ZRANB3: variants seen among roughly 807,000 people sequenced by gnomAD.
ZRANB3 encodes the protein zinc finger RANBP2-type containing 3.
In ZRANB3, 125 loss-of-function variants were observed where a neutral mutation model predicts 133.8. The ratio of observed to expected loss-of-function variants is 0.93; its 90% CI spans 0.81 to 1.08. The LOEUF (loss-of-function observed/expected upper bound fraction) is 1.08, where lower values mean the gene tolerates loss of function less well. Ranked by LOEUF, ZRANB3 falls within the 50% of genes least tolerant of loss-of-function variation. ZRANB3 has a pLI of 0.00. For missense variants in ZRANB3, 1,229 were observed against 1,275.5 expected, an observed-to-expected ratio of 0.96 and a Z score of 0.56; for synonymous variants, 387 against 432.7, an observed-to-expected ratio of 0.89 and a Z score of 1.31.
chr2:135,347,324 G>T (rs1387125781), intron 5 of ZRANB3, among the ~76,000 whole-genome samples: 1 of 139,162 alleles, frequency 7.2e-6, no homozygotes, highest in African/African-American at 2.8e-5. Flanking sequence ...ACGGAGTCTC[G>T]CTCTGTCGCC....
chr2:135,399,076 G>A (rs1356864337), intron 2 of ZRANB3, among the ~76,000 whole-genome samples: 1 of 152,134 alleles, frequency 6.6e-6, no homozygotes, highest in Non-Finnish European at 1.5e-5. Flanking sequence ...TTCTGGAGAA[G>A]ATATGGGTTT....
intron 2 of ZRANB3, among the ~76,000 whole-genome samples, chr2:135,460,894 T>A (rs535213205): frequency 6.6e-6 from 1 of 152,274 alleles, no homozygotes; most frequent in East Asian, 1.9e-4. Flanking sequence ...CTGTTCAATA[T>A]GGTAGCCACT....
At chr2:135,491,675 A>G (rs60746714) in intron 2 of ZRANB3, among the ~76,000 whole-genome samples, 40,320 of 151,934 alleles carry the variant, frequency 0.27, 8,905 homozygotes, top group African/African-American at 0.6. Flanking sequence ...CACCAGGCCC[A>G]GCTAATTTTT....
intron 1 of ZRANB3, among the ~76,000 whole-genome samples, chr2:135,516,015 C>A (rs552910615): frequency 2.0e-5 from 3 of 152,234 alleles, no homozygotes; most frequent in African/African-American, 7.2e-5. Flanking sequence ...TTGTACTGAT[C>A]CCTTTGCCAT....
At chr2:135,238,871 C>T (rs1040102763) in intron 12 of ZRANB3, 1 of 152,182 alleles carries the variant, frequency 6.6e-6, no homozygotes, top group Admixed American at 6.6e-5. Context: ...CAGACAGCAC[C>T]AATTGCCAGA....
At chr2:135,274,648 G>T (rs1192584910) in intron 9 of ZRANB3, among the ~76,000 whole-genome samples, 1 of 149,712 alleles carries the variant, frequency 6.7e-6, no homozygotes, top group East Asian at 2.0e-4. Flanking sequence ...AGTATTTATT[G>T]ATCATTCTTG....
chr2:135,471,647 G>A (rs963989578), intron 2 of ZRANB3, among the ~76,000 whole-genome samples: 3 of 152,148 alleles, frequency 2.0e-5, no homozygotes, highest in Non-Finnish European at 4.4e-5. Flanking sequence ...TATATTTACT[G>A]GGGAATTATT....
chr2:135,219,151 T>A lies in ZRANB3; in HGVS notation c.2278A>T (p.Ile760Phe). ...AGGTCTAATTTTATATCCAGAGGAA[T>A]GAAATTACAGCTCATCTGTTTTCCA... ...KDGKQMSCNF[I>F]PLDIKLDLWE... The change falls in exon 16 of 21, where the codon ATT becomes TTT. Residue 760 changes from isoleucine to phenylalanine, a missense_variant. Coordinates refer to ENST00000264159, the MANE Select transcript of ZRANB3 (RefSeq NM_032143.4). 6.5e-7 allele frequency: 1 copy of A among 1,535,104 alleles called. No individual in the cohort carries two copies. Among genetic ancestry groups the A allele is most frequent in the African/African-American group, 1.4e-5 (1 of 72,206 alleles).
chr2:135,522,015 A>C (rs1257236833), intron 1 of ZRANB3, among the ~76,000 whole-genome samples: 1 of 152,194 alleles, frequency 6.6e-6, no homozygotes, highest in Non-Finnish European at 1.5e-5. Flanking sequence ...CCTAGAGCAT[A>C]ACAGCTCTGC....
intron 1 of ZRANB3, among the ~76,000 whole-genome samples, chr2:135,529,000 T>A (rs1460042727): frequency 6.6e-6 from 1 of 152,214 alleles, no homozygotes; most frequent in Non-Finnish European, 1.5e-5. Flanking sequence ...AAACAGTAAG[T>A]GACATTACAA....
At chr2:135,375,697 A>AC (rs1553481476) in intron 3 of ZRANB3, among the ~76,000 whole-genome samples, 1 of 150,952 alleles carries the variant, frequency 6.6e-6, no homozygotes, top group African/African-American at 2.4e-5. Context: ...AAAAAAAAAA[A>AC]CCCACAAAGT....
chr2:135,491,239 T>C (rs1574193879), intron 2 of ZRANB3, among the ~76,000 whole-genome samples: 1 of 152,094 alleles, frequency 6.6e-6, no homozygotes. Context: ...GATGAGAACA[T>C]AAGTTATAGA....
intron 6 of ZRANB3, among the ~76,000 whole-genome samples, chr2:135,325,199 T>C (rs549876473): frequency 1.3e-5 from 2 of 152,202 alleles, no homozygotes; most frequent in Admixed American, 6.6e-5. Context: ...CAAAACAACC[T>C]TGAAAAAGAA....
intron 2 of ZRANB3, among the ~76,000 whole-genome samples, chr2:135,408,726 C>CA (rs1688163047): frequency 1.4e-5 from 2 of 147,622 alleles, no homozygotes; most frequent in African/African-American, 5.0e-5. Context: ...ATCGCAAGGA[C>CA]AAAAAACTGA....
At chr2:135,495,174 G>A (rs1467152198) in intron 2 of ZRANB3, among the ~76,000 whole-genome samples, 1 of 152,140 alleles carries the variant, frequency 6.6e-6, no homozygotes, top group Non-Finnish European at 1.5e-5. Context: ...GTTACAGTGA[G>A]CTATGATTGT....
chr2:135,364,649 T>C (rs1033348236), intron 3 of ZRANB3, among the ~76,000 whole-genome samples: 2 of 151,010 alleles, frequency 1.3e-5, no homozygotes, highest in African/African-American at 2.4e-5. Flanking sequence ...CTCAGGGGGG[T>C]TGAGGCAGGA....
rs147589808 is a variant in ZRANB3 at position 135,529,699 on chromosome 2, G to C, written c.-8+1428C>G. 3.2e-3 allele frequency among the ~76,000 whole-genome samples: 486 copies of C among 151,776 alleles called. 3 individuals are homozygous for C. Among genetic ancestry groups the C allele is most frequent in the African/African-American group, 0.01 (421 of 41,416 alleles). On this transcript the variant is annotated intron_variant, in intron 1 of 20. Coordinates refer to ENST00000264159, the MANE Select transcript of ZRANB3 (RefSeq NM_032143.4). Reference sequence around the variant, plus strand: ...AATGTGTGTGTGTGAGTTTTTAGCAGACACAAGATTTCACCATGTTGCCCA... The same window carrying C: ...AATGTGTGTGTGTGAGTTTTTAGCACACACAAGATTTCACCATGTTGCCCA...
Position 135,199,335 on chromosome 2 carries a change from C to A in ZRANB3, c.*1007G>T, listed in dbSNP as rs545002442. On this transcript the variant is annotated 3_prime_UTR_variant, in exon 21 of 21. Transcript: ENST00000264159. ...TGTTTGAGACGGAGTCTCGCTCTGT[C>A]GCCCAGGCTGGAGTTCAATGGCGTG... 1 of 151,968 alleles carries A rather than the reference C, an allele frequency of 6.6e-6. No individual in the cohort carries two copies. The highest frequency in any genetic ancestry group is 1.5e-5 in the Non-Finnish European group (1 of 68,030). The allele number at this position is 151,968 out of a possible 1,614,324, so 9.4% of individuals were successfully genotyped here.
intron 3 of ZRANB3, chr2:135,355,360 CTT>C (rs759038417): frequency 0.022 from 7,887 of 365,226 alleles, no homozygotes; most frequent in Non-Finnish European, 0.027. Context: ...AATCACAGAT[CTT>C]TTTTTTTTTT....
Sources: allele counts gnomAD v4.1 joint callset (sites outside exome capture counted in the v4.1 genomes callset), GRCh38; gene constraint gnomAD v4.1.1; transcripts MANE v1.5; gene names NCBI Gene and HGNC (gene_info 2026-07-23, HGNC 2026-07-21).